Variants in CELSR1 observed in about 807,000 individuals in gnomAD.
The protein encoded by CELSR1 is adhesion G protein-coupled receptor C1.
CELSR1 carries 110 observed loss-of-function variants against 249.1 expected under a neutral mutation model. That is an observed-to-expected ratio of 0.44 (90% confidence interval 0.38 to 0.52). The LOEUF is 0.52. CELSR1 is among the 20% of genes least tolerant of loss of function. The probability of loss-of-function intolerance (pLI) is 0.00; values close to 1 mark genes in which losing one functional copy is unlikely to be tolerated. For synonymous variants in CELSR1, 2,113 were observed against 1,900.0 expected (o/e 1.11, Z -2.92); for missense variants, 4,109 against 4,296.4 (o/e 0.96, Z 1.22).
In CELSR1 at chr22:46,436,295, G is replaced by A; in HGVS notation, c.4407-6C>T. On this transcript the variant is annotated splice_region_variant and splice_polypyrimidine_tract_variant and intron_variant, in intron 3 of 34. Transcript: ENST00000674500. The surrounding 1 kb of genome is among the most constrained non-coding windows in gnomAD (Gnocchi z 5.9). ...TCCTTTCCTGAGTGGCAAACCTGTGGGGCCAAGCAGAGGCACATCACAGGA... is the reference window on the plus strand; with the variant it reads ...TCCTTTCCTGAGTGGCAAACCTGTGAGGCCAAGCAGAGGCACATCACAGGA... 1 of 1,610,886 alleles carries A rather than the reference G, an allele frequency of 6.2e-7. No homozygotes were observed. Among genetic ancestry groups the A allele is most frequent in the South Asian group, 1.1e-5 (1 of 90,980 alleles).
At chr22:46,522,725 T>C (rs887417674) in intron 1 of CELSR1, among the ~76,000 whole-genome samples, 1 of 152,210 alleles carries the variant, frequency 6.6e-6, no homozygotes, top group African/African-American at 2.4e-5. Context: ...TGCTTTTCCA[T>C]TCCCCAACCT....
intron 5 of CELSR1, among the ~76,000 whole-genome samples, chr22:46,420,199 T>C (rs1336919507): frequency 3.4e-5 from 5 of 146,678 alleles, no homozygotes; most frequent in Non-Finnish European, 3.0e-5. Context: ...TGTGCACACC[T>C]ACCCACACTC....
chr22:46,505,118 A>C (rs4239941), intron 1 of CELSR1, among the ~76,000 whole-genome samples: 118,245 of 151,808 alleles, frequency 0.78, 46,426 homozygotes, highest in East Asian at 0.98. Flanking sequence ...AAAAATCAGC[A>C]AGGCATGGTG....
chr22:46,501,772 T>C (rs960923807), intron 1 of CELSR1, among the ~76,000 whole-genome samples: 1 of 152,228 alleles, frequency 6.6e-6, no homozygotes, highest in Non-Finnish European at 1.5e-5. Flanking sequence ...GATCTTTCCA[T>C]GAACTCCAAG....
intron 18 of CELSR1, among the ~76,000 whole-genome samples, chr22:46,387,804 C>T (rs2079048218): frequency 6.6e-6 from 1 of 152,142 alleles, no homozygotes; most frequent in Non-Finnish European, 1.5e-5. Flanking sequence ...CCCCAAGACG[C>T]TAAGGCAGGG....
In CELSR1 at chr22:46,439,215, C is replaced by T; in HGVS notation, c.4380G>A (p.Gln1460=). ...QSFVTFRGLR[Q]RFHFTISLTF... Reference sequence around the variant, plus strand: ...TGAGGGAGATGGTGAAGTGGAAGCGCTGTCTCAGGCCCCGGAAGGTGACGA... The same window carrying T: ...TGAGGGAGATGGTGAAGTGGAAGCGTTGTCTCAGGCCCCGGAAGGTGACGA... The change falls in exon 3 of 35, where the codon CAG becomes CAA. Residue 1460 remains glutamine, a synonymous_variant. Transcript: ENST00000674500. 1 of 1,613,804 alleles carries T rather than the reference C, an allele frequency of 6.2e-7. No individual in the cohort carries two copies. Among genetic ancestry groups the T allele is most frequent in the South Asian group, 1.1e-5 (1 of 91,064 alleles).
In CELSR1 at chr22:46,390,623, C is replaced by A; in HGVS notation, c.6251-137G>T. The stretch of plus-strand genomic sequence containing the variant: ...TAGAACCCCATGGGGGCCAGGAGGT[C>A]GACACCAGCGCCCCTCTTTCATGTC... On this transcript the variant is annotated intron_variant, in intron 16 of 34. Transcript: ENST00000674500. This position sits in a 1 kb window ranked among gnomAD's most constrained non-coding sequence, Gnocchi z 6.3. The A allele has an allele frequency of 1.5e-6, 1 of 647,298 alleles. No homozygotes were observed. Among genetic ancestry groups the A allele is most frequent in the South Asian group, 2.2e-5 (1 of 45,184 alleles). 40.1% of individuals were successfully genotyped at this position (647,298 alleles called of 1,614,324 possible).
chr22:46,440,478 C>T lies in CELSR1; in HGVS notation c.4184-1067G>A, dbSNP rs138707839. On this transcript the variant is annotated intron_variant, in intron 2 of 34. Transcript: ENST00000674500. This position sits in a 1 kb window ranked among gnomAD's most constrained non-coding sequence, Gnocchi z 4.7. ...CCTCCCAAAGTGCTGGGATTACAGG[C>T]GTGAGCCACCGCGCCCGGCCAGTAT... Among the ~76,000 whole-genome samples the T allele has an allele frequency of 5.1e-3, 780 of 152,338 alleles. 8 individuals carry two copies. Among genetic ancestry groups the T allele is most frequent in the African/African-American group, 0.018 (739 of 41,582 alleles).
At position 46,378,530 on chromosome 22, in the gene CELSR1, G is replaced by A. The variant is rs996167159; in HGVS notation, c.7383+61C>T. On this transcript the variant is annotated intron_variant, in intron 23 of 34. Coordinates refer to ENST00000674500, the MANE Select transcript of CELSR1 (RefSeq NM_001378328.1). ...GTTTGGCGGGGAGGTGCAGGTTTGG[G>A]GGGGAGGGGCAGGTTTGGCGGTAGG... 7 of 1,519,288 alleles carry A rather than the reference G, an allele frequency of 4.6e-6. No homozygotes were observed. The African/African-American group carries it at 5.5e-5, about 12-fold the overall frequency. 94.1% of individuals were successfully genotyped at this position (1,519,288 alleles called of 1,614,324 possible). A position where few individuals can be genotyped will look rare whatever the true frequency, so the allele number is the denominator to read the frequency against.
At chr22:46,486,203 T>C (rs1400287741) in intron 1 of CELSR1, among the ~76,000 whole-genome samples, 3 of 149,960 alleles carry the variant, frequency 2.0e-5, no homozygotes, top group East Asian at 2.2e-4. Context: ...CCTCCCAAAG[T>C]GCTAGGATTA....
intron 29 of CELSR1, 132 bp downstream of exon 29, chr22:46,366,861 G>A (rs1363169409): frequency 2.6e-5 from 33 of 1,293,094 alleles, no homozygotes; most frequent in African/African-American, 4.5e-5. Flanking sequence ...ACCGTGCACC[G>A]CGGGCGGCTC....
At chr22:46,460,318 C>T (rs1197949103) in intron 2 of CELSR1, among the ~76,000 whole-genome samples, 1 of 152,216 alleles carries the variant, frequency 6.6e-6, no homozygotes, top group African/African-American at 2.4e-5. Context: ...GCAAGGCACC[C>T]AGGAAGCTTC....
At chr22:46,432,631 CAAA>C (rs1462626081) in intron 5 of CELSR1, among the ~76,000 whole-genome samples, 1 of 152,230 alleles carries the variant, frequency 6.6e-6, no homozygotes, top group Admixed American at 6.5e-5. Flanking sequence ...CAACGAACAG[CAAA>C]ATAAAGTGAA....
At chr22:46,459,679 A>C (rs2079998143) in intron 2 of CELSR1, among the ~76,000 whole-genome samples, 1 of 151,984 alleles carries the variant, frequency 6.6e-6, no homozygotes, top group Non-Finnish European at 1.5e-5. Flanking sequence ...TCAACCCACC[A>C]GCACCCCCAC....
In CELSR1 at chr22:46,518,022, C is replaced by T. The variant is rs2080646431; in HGVS notation, c.3544+15605G>A. 6.6e-6 allele frequency among the ~76,000 whole-genome samples: 1 copy of T among 152,188 alleles called. No homozygotes were observed. Among genetic ancestry groups the T allele is most frequent in the East Asian group, 1.9e-4 (1 of 5,172 alleles). On this transcript the variant is annotated intron_variant, in intron 1 of 34. Coordinates refer to ENST00000674500, the MANE Select transcript of CELSR1 (RefSeq NM_001378328.1). This position sits in a 1 kb window ranked among gnomAD's most constrained non-coding sequence, Gnocchi z 5.2. ...CGTTCAAGTGATTCTCCTGCCTCAG[C>T]CTCCCAAGTAGCTGGGATTACAGTC... is the stretch of plus-strand genomic sequence containing the variant.
rs2079566884 is a variant in CELSR1 at position 46,429,139 on chromosome 22, C to G, written c.4611+4254G>C. ...GAGGATCCCCATCCTTCCAGACGGC[C>G]CCTCCCTAGCACTGTCTCCGTGGGG... On this transcript the variant is annotated intron_variant, in intron 5 of 34. Transcript: ENST00000674500. The surrounding 1 kb of genome is among the most constrained non-coding windows in gnomAD (Gnocchi z 4.1). 6.6e-6 allele frequency among the ~76,000 whole-genome samples: 1 copy of G among 152,248 alleles called. No individual in the cohort carries two copies. The highest frequency in any genetic ancestry group is 3.4e-3 in the Middle Eastern group (1 of 294).
chr22:46,369,401 C>T, intron 26 of CELSR1, 143 bp from the exon 27 acceptor site: 1 of 703,122 alleles, frequency 1.4e-6, no homozygotes, highest in Non-Finnish European at 2.4e-6. Flanking sequence ...GGGCGAAGCA[C>T]ACCTGTCCAC....
intron 1 of CELSR1, among the ~76,000 whole-genome samples, chr22:46,510,517 C>T (rs1269172463): frequency 7.2e-5 from 11 of 152,212 alleles, no homozygotes; most frequent in Admixed American, 2.0e-4. Flanking sequence ...GAGGGCCCAT[C>T]GCCATGACAA....
chr22:46,534,986 T>A lies in CELSR1; in HGVS notation c.2185A>T (p.Thr729Ser). ...VITYQLTGGN[T>S]RNRFALSSQR... ...CTGCTGAGTGCAAAGCGGTTCCGGG[T>A]GTTGCCGCCTGTGAGCTGGTAGGTA... Residue 729 changes from threonine to serine, a missense_variant, in exon 1 of 35, where the codon ACC becomes TCC. Physicochemically the swap from Thr to Ser is moderately conservative, Grantham distance 58. Transcript: ENST00000674500. This position sits in a 1 kb window ranked among gnomAD's most constrained non-coding sequence, Gnocchi z 9.7. 6.2e-7 allele frequency: 1 copy of A among 1,611,976 alleles called. No individual in the cohort carries two copies. Among genetic ancestry groups the A allele is most frequent in the Non-Finnish European group, 8.5e-7 (1 of 1,179,480 alleles).
Sources: gnomAD v4.1 joint callset for allele counts (sites outside exome capture counted in the v4.1 genomes callset) on GRCh38, gnomAD v4.1.1 for gene constraint, Gnocchi (gnomAD v3.1) non-coding constraint, MANE v1.5 for transcripts, NCBI Gene and HGNC (gene_info 2026-07-23, HGNC 2026-07-21) for gene names.